AGBL4: variants seen among roughly 807,000 people sequenced by gnomAD.
AGBL4 encodes cytosolic carboxypeptidase 6.
A neutral mutation model predicts 66.4 loss-of-function variants in AGBL4; 58 were observed. That is an observed-to-expected ratio of 0.87 (90% confidence interval 0.71 to 1.09). The LOEUF is 1.09. AGBL4 is among the 50% of genes least tolerant of loss of function. The pLI is 0.00. For synonymous variants in AGBL4, 234 were observed against 222.9 expected, an observed-to-expected ratio of 1.05 and a Z score of -0.44; for missense variants, 579 against 631.0, an observed-to-expected ratio of 0.92 and a Z score of 0.88.
At chr1:49,153,523 C>G (rs1646377448) in intron 4 of AGBL4, among the ~76,000 whole-genome samples, 1 of 152,092 alleles carries the variant, frequency 6.6e-6, no homozygotes, top group Admixed American at 6.6e-5. Context: ...CATCACTCCA[C>G]AATAGCTTCC....
chr1:49,283,170 A>T (rs1644317723), intron 3 of AGBL4, among the ~76,000 whole-genome samples: 1 of 152,200 alleles, frequency 6.6e-6, no homozygotes, highest in African/African-American at 2.4e-5. Flanking sequence ...GCAGCTGGAG[A>T]TCTGAGAACG....
In AGBL4 at chr1:49,140,295, T is replaced by C. The variant is rs184367930; in HGVS notation, c.378-94495A>G. Among the ~76,000 whole-genome samples, 600 of 152,350 alleles carry C rather than the reference T, an allele frequency of 3.9e-3. 8 individuals carry two copies. Among genetic ancestry groups the C allele is most frequent in the Non-Finnish European group, 3.8e-3 (259 of 68,038 alleles). On this transcript the variant is annotated intron_variant, in intron 4 of 13. Coordinates refer to ENST00000371839, the MANE Select transcript of AGBL4 (RefSeq NM_032785.4). ...AAAACAACACTGCAAACACAAATTA[T>C]AGATAAGGAAATCTAGGCCTGAAGC...
chr1:49,753,790 C>A (rs1267448788), intron 2 of AGBL4, among the ~76,000 whole-genome samples: 1 of 152,128 alleles, frequency 6.6e-6, no homozygotes, highest in East Asian at 1.9e-4. Context: ...TTTCTCTAAT[C>A]TTGTCTTCAC....
At chr1:48,566,249 CT>C (rs1419643261) in intron 11 of AGBL4, among the ~76,000 whole-genome samples, 1 of 152,182 alleles carries the variant, frequency 6.6e-6, no homozygotes, top group Non-Finnish European at 1.5e-5. Flanking sequence ...GTCACCGAGC[CT>C]TTATTCATCA....
intron 9 of AGBL4, among the ~76,000 whole-genome samples, chr1:48,624,125 T>A (rs935423096): frequency 2.0e-5 from 3 of 152,192 alleles, no homozygotes; most frequent in Non-Finnish European, 4.4e-5. Context: ...GTGGGTGGAT[T>A]CCAATGCTCC....
intron 3 of AGBL4, among the ~76,000 whole-genome samples, chr1:49,367,792 A>C (rs1157928403): frequency 2.0e-5 from 3 of 152,140 alleles, no homozygotes; most frequent in Non-Finnish European, 4.4e-5. Flanking sequence ...TACCATTTTA[A>C]ATTATTTACC....
chr1:49,982,618 C>A (rs950297352), intron 1 of AGBL4, among the ~76,000 whole-genome samples: 1 of 152,194 alleles, frequency 6.6e-6, no homozygotes, highest in Non-Finnish European at 1.5e-5. Context: ...AGCCTGGGAG[C>A]CAGGCTGCCA....
intron 6 of AGBL4, among the ~76,000 whole-genome samples, chr1:48,720,949 C>A (rs1401455091): frequency 7.2e-6 from 1 of 139,804 alleles, no homozygotes; most frequent in Admixed American, 7.5e-5. Flanking sequence ...AGCCTTCAAG[C>A]CCAGAGAGGA....
chr1:49,120,477 G>GA (rs1376210465), intron 4 of AGBL4, among the ~76,000 whole-genome samples: 9 of 152,032 alleles, frequency 5.9e-5, no homozygotes, highest in Admixed American at 2.0e-4. Context: ...GTCTTTTCTT[G>GA]AAAAAAGTTG....
intron 3 of AGBL4, among the ~76,000 whole-genome samples, chr1:49,256,451 T>C (rs1425104154): frequency 6.6e-6 from 1 of 152,186 alleles, no homozygotes; most frequent in African/African-American, 2.4e-5. Flanking sequence ...TAGTATCAAA[T>C]ATCAGATACC....
At chr1:49,723,819 C>G (rs973257310) in intron 2 of AGBL4, among the ~76,000 whole-genome samples, 1 of 152,078 alleles carries the variant, frequency 6.6e-6, no homozygotes, top group African/African-American at 2.4e-5. Flanking sequence ...TAACTTTGGG[C>G]AAGTTACTTA....
intron 4 of AGBL4, among the ~76,000 whole-genome samples, chr1:49,092,836 A>G (rs1645026378): frequency 6.6e-6 from 1 of 152,064 alleles, no homozygotes. Context: ...CCTTTTCTGA[A>G]CACTGTTCTG....
chr1:49,499,899 A>AT (rs1342285098), intron 3 of AGBL4, among the ~76,000 whole-genome samples: 1 of 151,926 alleles, frequency 6.6e-6, no homozygotes, highest in Non-Finnish European at 1.5e-5. Context: ...CAGTAGTGGG[A>AT]TTGCTGGATG....
At position 49,014,118 on chromosome 1, in the gene AGBL4, C is replaced by T. The variant is rs185849093; in HGVS notation, c.594+31466G>A. On this transcript the variant is annotated intron_variant, in intron 5 of 13. Coordinates refer to ENST00000371839, the MANE Select transcript of AGBL4 (RefSeq NM_032785.4). Reference sequence around the variant, plus strand: ...ATTGTGTGCTATTCCGTTCTTCCCCCTTCTCTCCATGTGCACATCCCAGGA... The same window carrying T: ...ATTGTGTGCTATTCCGTTCTTCCCCTTTCTCTCCATGTGCACATCCCAGGA... 1.2e-4 allele frequency among the ~76,000 whole-genome samples: 18 copies of T among 152,266 alleles called. No homozygotes were observed. The East Asian group carries it at 2.7e-3, about 23-fold the overall frequency.
intron 1 of AGBL4, among the ~76,000 whole-genome samples, chr1:49,865,584 T>A (rs534669874): frequency 7.2e-5 from 11 of 151,824 alleles, no homozygotes; most frequent in Non-Finnish European, 1.6e-4. Context: ...AAAGTCCCCA[T>A]AAAAACTCCA....
At chr1:48,586,136 G>C (rs1039079821) in intron 11 of AGBL4, 9 of 152,182 alleles carry the variant, frequency 5.9e-5, no homozygotes, top group African/African-American at 1.9e-4. Flanking sequence ...CTGATGCAGT[G>C]ACCTTGATAT....
intron 1 of AGBL4, among the ~76,000 whole-genome samples, chr1:49,937,684 T>A (rs1654235840): frequency 6.6e-6 from 1 of 152,110 alleles, no homozygotes. Flanking sequence ...GGATTAAGAA[T>A]CTCATTCAAA....
intron 6 of AGBL4, among the ~76,000 whole-genome samples, chr1:48,687,336 A>G (rs1646549946): frequency 6.6e-6 from 1 of 152,214 alleles, no homozygotes; most frequent in Admixed American, 6.5e-5. Flanking sequence ...GGCTTGGGAC[A>G]GAGCAGGGCT....
rs563118202 is a variant in AGBL4 at position 48,533,141 on chromosome 1, T to C, written c.*1032A>G. 6 of 152,322 alleles carry C rather than the reference T, an allele frequency of 3.9e-5. No homozygotes were observed. The highest frequency in any genetic ancestry group is 1.4e-4 in the African/African-American group (6 of 41,564). 9.4% of individuals were successfully genotyped at this position (152,322 alleles called of 1,614,324 possible). ...CTCCCTTCCTCTCCCTGTGTTCTAATCCTCATTTCCGGGAGGTCATTTTAA... is the reference window on the plus strand; with the variant it reads ...CTCCCTTCCTCTCCCTGTGTTCTAACCCTCATTTCCGGGAGGTCATTTTAA... On this transcript the variant is annotated 3_prime_UTR_variant, in exon 14 of 14. Coordinates refer to ENST00000371839, the MANE Select transcript of AGBL4 (RefSeq NM_032785.4).
Sources: gnomAD v4.1 joint callset for allele counts (sites outside exome capture counted in the v4.1 genomes callset) on GRCh38, gnomAD v4.1.1 for gene constraint, MANE v1.5 for transcripts, NCBI Gene and HGNC (gene_info 2026-07-23, HGNC 2026-07-21) for gene names.